NAA15: variants seen among roughly 807,000 people sequenced by gnomAD.
The protein encoded by NAA15 is N-alpha-acetyltransferase 15, NatA auxiliary subunit.
Under a neutral mutation model 114.0 loss-of-function variants are expected in NAA15, and 34 were observed. The observed-to-expected ratio is 0.30, with a 90% CI of 0.23 to 0.40. The LOEUF (loss-of-function observed/expected upper bound fraction) is 0.40, where lower values mean the gene tolerates loss of function less well. Among genes scored for constraint, NAA15 ranks in the 10% least tolerant of loss-of-function variants. The pLI is 1.00. For missense variants in NAA15, 658 were observed against 1,004.5 expected (o/e 0.66, Z 4.66); for synonymous variants, 340 against 338.0 (o/e 1.01, Z -0.06).
chr4:139,326,169 T>C (rs1746794300), intron 1 of NAA15, among the ~76,000 whole-genome samples: 1 of 152,154 alleles, frequency 6.6e-6, no homozygotes, highest in South Asian at 2.1e-4. Flanking sequence ...TTTTAGGCAC[T>C]AGGTTAGGGA....
intron 15 of NAA15, among the ~76,000 whole-genome samples, chr4:139,374,497 G>A (rs7681614): frequency 0.28 from 42,169 of 151,978 alleles, 6,193 homozygotes; most frequent in African/African-American, 0.37. Flanking sequence ...GTGATTGTCA[G>A]TTTGGTATTG....
chr4:139,355,575 T>G (rs1267545724), intron 10 of NAA15, among the ~76,000 whole-genome samples: 1 of 152,164 alleles, frequency 6.6e-6, no homozygotes, highest in Non-Finnish European at 1.5e-5. Context: ...TTTAAAAAAT[T>G]AAATAAAATA....
intron 11 of NAA15, among the ~76,000 whole-genome samples, chr4:139,359,503 G>A (rs1377624098): frequency 2.0e-5 from 3 of 152,212 alleles, no homozygotes; most frequent in African/African-American, 7.2e-5. Context: ...GATATTAACA[G>A]TAGACAAAAC....
intron 1 of NAA15, among the ~76,000 whole-genome samples, chr4:139,317,674 A>T (rs1303834542): frequency 6.6e-6 from 1 of 152,144 alleles, no homozygotes; most frequent in Non-Finnish European, 1.5e-5. Flanking sequence ...CCTATAGGGG[A>T]CTTAATCTGT....
At chr4:139,385,293 T>TA (rs1332158871) in intron 18 of NAA15, among the ~76,000 whole-genome samples, 1 of 92,876 alleles carries the variant, frequency 1.1e-5, no homozygotes, top group Non-Finnish European at 2.3e-5. Flanking sequence ...AATATATATA[T>TA]ATATATAATA....
At chr4:139,381,984 AG>A (rs1748768050) in intron 17 of NAA15, among the ~76,000 whole-genome samples, 1 of 152,144 alleles carries the variant, frequency 6.6e-6, no homozygotes, top group Admixed American at 6.5e-5. Flanking sequence ...TTGAGTTAGT[AG>A]GGGATTTGCT....
chr4:139,307,750 A>G (rs1320372009), intron 1 of NAA15, among the ~76,000 whole-genome samples: 1 of 152,166 alleles, frequency 6.6e-6, no homozygotes, highest in Admixed American at 6.5e-5. Context: ...GGACATTTTT[A>G]TTAAGCAAAC....
chr4:139,334,257 A>C lies in NAA15; in HGVS notation c.138A>C (p.Gly46=). 6.3e-7 allele frequency: 1 copy of C among 1,591,112 alleles called. No individual in the cohort carries two copies. The highest frequency in any genetic ancestry group is 8.6e-7 in the Non-Finnish European group (1 of 1,168,796). Residue 46 remains glycine (G), a splice_region_variant and synonymous_variant, in exon 2 of 20, where the codon GGA becomes GGC. Coordinates refer to ENST00000296543, the MANE Select transcript of NAA15 (RefSeq NM_057175.5). The stretch of plus-strand genomic sequence containing the variant: ...CTAATCCCAAATTTGCAGAGCATGG[A>C]GGTAAGTGCAAGTAGATAAAGCTTT... The part of the protein sequence containing the change: ...ILSNPKFAEH[G]ETLAMKGLTL...
intron 1 of NAA15, among the ~76,000 whole-genome samples, chr4:139,326,843 A>G (rs760268188): frequency 1.1e-4 from 17 of 152,232 alleles, no homozygotes; most frequent in Non-Finnish European, 2.2e-4. Context: ...TAGTTAAAAG[A>G]GACTATAAGT....
At chr4:139,315,887 A>T (rs942205417) in intron 1 of NAA15, among the ~76,000 whole-genome samples, 1 of 151,444 alleles carries the variant, frequency 6.6e-6, no homozygotes, top group African/African-American at 2.4e-5. Flanking sequence ...TTTAAAAAAA[A>T]AAATTTAGGT....
chr4:139,360,534 T>C lies in NAA15; in HGVS notation c.1445T>C (p.Met482Thr). Residue 482 changes from methionine to threonine, a missense_variant, in exon 13 of 20, where the codon ATG becomes ACG. Around this residue, in one of 6 missense-constraint regions of NAA15, gnomAD observed 281 missense variants for 389.1 expected, o/e 0.72. Coordinates refer to ENST00000296543, the MANE Select transcript of NAA15 (RefSeq NM_057175.5). ...GTSAVENLNE[M>T]QCMWFQTECA... ...TCAGCGGTAGAGAATTTGAATGAAA[T>C]GCAGTGCATGTGGTTCCAAACAGAA... 6.2e-7 allele frequency: 1 copy of C among 1,602,120 alleles called. No individual in the cohort carries two copies. The highest frequency in any genetic ancestry group is 8.5e-7 in the Non-Finnish European group (1 of 1,175,212).
chr4:139,340,186 C>T (rs910045294), intron 3 of NAA15, among the ~76,000 whole-genome samples: 25 of 151,994 alleles, frequency 1.6e-4, no homozygotes, highest in African/African-American at 5.1e-4. Flanking sequence ...AGCTGGCATG[C>T]TGGTGTGTGC....
intron 3 of NAA15, among the ~76,000 whole-genome samples, chr4:139,337,647 A>G (rs550907650): frequency 3.3e-5 from 5 of 152,332 alleles, no homozygotes; most frequent in African/African-American, 1.2e-4. Flanking sequence ...TATTTTTAAG[A>G]TAGACTTTAG....
At chr4:139,363,612 A>T (rs1748195715) in intron 14 of NAA15, among the ~76,000 whole-genome samples, 1 of 152,110 alleles carries the variant, frequency 6.6e-6, no homozygotes, top group Non-Finnish European at 1.5e-5. Flanking sequence ...ATCTATGTGA[A>T]TTTTTTCACC....
Position 139,388,098 on chromosome 4 carries a change from A to G in NAA15, c.*14A>G, listed in dbSNP as rs1009618897. 2.5e-6 allele frequency: 4 copies of G among 1,610,784 alleles called. No homozygotes were observed. Among genetic ancestry groups the G allele is most frequent in the African/African-American group, 2.7e-5 (2 of 74,802 alleles). ...AATGAAATTTGAACATCACTAAACA[A>G]GCAAATGGAATGACTTTGGACCATA... On this transcript the variant is annotated 3_prime_UTR_variant, in exon 20 of 20. Coordinates refer to ENST00000296543, the MANE Select transcript of NAA15 (RefSeq NM_057175.5).
chr4:139,328,927 T>C (rs11944171), intron 1 of NAA15, among the ~76,000 whole-genome samples: 81,181 of 150,602 alleles, frequency 0.54, 24,173 homozygotes, highest in African/African-American at 0.81. Context: ...TGCAGTGGTA[T>C]GATCTTGACT....
intron 1 of NAA15, among the ~76,000 whole-genome samples, chr4:139,323,496 T>C (rs950907379): frequency 4.6e-5 from 7 of 152,236 alleles, no homozygotes; most frequent in South Asian, 2.1e-4. Context: ...GTCCAACTCC[T>C]GTGGCAGATT....
At chr4:139,372,203 A>G (rs1473827109) in intron 15 of NAA15, among the ~76,000 whole-genome samples, 4 of 152,214 alleles carry the variant, frequency 2.6e-5, no homozygotes. Context: ...GGCGTGAGCC[A>G]CTGCGCCTGG....
intron 14 of NAA15, among the ~76,000 whole-genome samples, chr4:139,364,983 C>A (rs990780438): frequency 3.3e-5 from 5 of 152,098 alleles, no homozygotes; most frequent in African/African-American, 1.2e-4. Flanking sequence ...AGTGTATTTG[C>A]TGCCTTTTTT....
Sources: allele counts gnomAD v4.1 joint callset (sites outside exome capture counted in the v4.1 genomes callset), GRCh38; gene constraint gnomAD v4.1.1; regional missense constraint gnomAD v4.1.1; transcripts MANE v1.5; gene names NCBI Gene and HGNC (gene_info 2026-07-23, HGNC 2026-07-21).